CMSS1: variants seen among roughly 807,000 people sequenced by gnomAD.
The protein encoded by CMSS1 is cms1 ribosomal small subunit homolog.
A neutral mutation model predicts 43.5 loss-of-function variants in CMSS1; 33 were observed. That is an observed-to-expected ratio of 0.76 (90% CI 0.57 to 1.01). The LOEUF (loss-of-function observed/expected upper bound fraction) is 1.01, where lower values mean the gene tolerates loss of function less well. Among genes scored for constraint, CMSS1 ranks in the 50% least tolerant of loss-of-function variants. The pLI, the probability that CMSS1 is intolerant of heterozygous loss-of-function variation, is 0.00. For missense variants in CMSS1, 313 were observed against 326.4 expected (o/e 0.96, Z 0.32); for synonymous variants, 115 against 117.2 (o/e 0.98, Z 0.12).
At chr3:99,934,920 T>C (rs1707612171) in intron 1 of CMSS1, among the ~76,000 whole-genome samples, 1 of 152,232 alleles carries the variant, frequency 6.6e-6, no homozygotes, top group Admixed American at 6.5e-5. Flanking sequence ...AGCATCAACA[T>C]TCTCACTGAT....
chr3:99,982,611 T>C (rs1052842719), intron 1 of CMSS1, among the ~76,000 whole-genome samples: 1 of 152,322 alleles, frequency 6.6e-6, no homozygotes, highest in East Asian at 1.9e-4. Flanking sequence ...CCCAAAGTGC[T>C]GGGATTACAG....
chr3:100,030,686 A>G (rs1484431382), intron 1 of CMSS1, among the ~76,000 whole-genome samples: 1 of 152,180 alleles, frequency 6.6e-6, no homozygotes, highest in Non-Finnish European at 1.5e-5. Context: ...TTAAACCAGT[A>G]TCCAATAACT....
intron 1 of CMSS1, among the ~76,000 whole-genome samples, chr3:99,920,136 A>G (rs1418344270): frequency 6.6e-6 from 1 of 152,230 alleles, no homozygotes; most frequent in East Asian, 1.9e-4. Context: ...AGCTGCCATA[A>G]CAATATTTCT....
chr3:100,064,611 A>G (rs945932792), intron 1 of CMSS1, among the ~76,000 whole-genome samples: 1 of 152,230 alleles, frequency 6.6e-6, no homozygotes, highest in Admixed American at 6.5e-5. Flanking sequence ...GCCCTGGAGC[A>G]GAGGAAGGGA....
intron 1 of CMSS1, among the ~76,000 whole-genome samples, chr3:99,897,276 T>C (rs1266772715): frequency 1.3e-5 from 2 of 151,858 alleles, no homozygotes; most frequent in African/African-American, 4.8e-5. Flanking sequence ...GGAGAATCGC[T>C]CGAACCCAGG....
intron 1 of CMSS1, among the ~76,000 whole-genome samples, chr3:99,958,169 A>G (rs1342605291): frequency 6.7e-6 from 1 of 148,974 alleles, no homozygotes; most frequent in Non-Finnish European, 1.5e-5. Flanking sequence ...TGCTGCAGCT[A>G]TCAACCCATC....
At chr3:100,093,799 AC>A (rs2066155714) in intron 1 of CMSS1, among the ~76,000 whole-genome samples, 1 of 152,226 alleles carries the variant, frequency 6.6e-6, no homozygotes, top group Non-Finnish European at 1.5e-5. Flanking sequence ...GAATCATACA[AC>A]ATGTAACCTT....
chr3:100,071,549 G>A (rs1196311103), intron 1 of CMSS1, among the ~76,000 whole-genome samples: 1 of 152,168 alleles, frequency 6.6e-6, no homozygotes, highest in Admixed American at 6.5e-5. Flanking sequence ...TAGCCCAAGG[G>A]TGTGGGTCTT....
chr3:100,032,140 T>C (rs1320735778), intron 1 of CMSS1, among the ~76,000 whole-genome samples: 1 of 152,068 alleles, frequency 6.6e-6, no homozygotes, highest in Admixed American at 6.6e-5. Context: ...ATGAGGAAGA[T>C]TGTAGGTGTT....
intron 1 of CMSS1, among the ~76,000 whole-genome samples, chr3:99,856,915 CATA>C (rs1360399940): frequency 6.6e-6 from 1 of 152,104 alleles, no homozygotes. Flanking sequence ...CAGTCATACC[CATA>C]ATAACTTATA....
chr3:99,876,683 G>T (rs1433891941), intron 1 of CMSS1, among the ~76,000 whole-genome samples: 10 of 152,142 alleles, frequency 6.6e-5, no homozygotes, highest in African/African-American at 2.4e-4. Flanking sequence ...ATGAGTAGGG[G>T]TCCTCAGAGG....
chr3:100,088,498 A>G (rs1338213379), intron 1 of CMSS1, among the ~76,000 whole-genome samples: 1 of 152,242 alleles, frequency 6.6e-6, no homozygotes, highest in African/African-American at 2.4e-5. Flanking sequence ...TCATTTCAAA[A>G]TCTTTATATT....
chr3:100,157,020 C>T (rs2107523708), intron 2 of CMSS1, among the ~76,000 whole-genome samples: 1 of 152,240 alleles, frequency 6.6e-6, no homozygotes, highest in South Asian at 2.1e-4. Context: ...CCCCACAAAG[C>T]ACTAGGGTTA....
At chr3:99,857,734 A>G (rs1249188119) in intron 1 of CMSS1, among the ~76,000 whole-genome samples, 3 of 152,242 alleles carry the variant, frequency 2.0e-5, no homozygotes, top group African/African-American at 7.2e-5. Flanking sequence ...TATTGTTTCT[A>G]TTAGTTTCAG....
chr3:99,982,872 A>G (rs1363190824), intron 1 of CMSS1, among the ~76,000 whole-genome samples: 1 of 152,222 alleles, frequency 6.6e-6, no homozygotes, highest in Admixed American at 6.5e-5. Context: ...ATAAATTCAT[A>G]TAATGTAGGC....
intron 1 of CMSS1, among the ~76,000 whole-genome samples, chr3:99,856,207 T>C (rs985904913): frequency 3.3e-5 from 5 of 151,950 alleles, no homozygotes; most frequent in African/African-American, 4.8e-5. Flanking sequence ...CCCAGAGGGG[T>C]TTCCAACCCA....
intron 1 of CMSS1, among the ~76,000 whole-genome samples, chr3:100,010,645 C>T (rs1710120202): frequency 2.7e-5 from 4 of 148,366 alleles, no homozygotes; most frequent in African/African-American, 9.9e-5. Context: ...GATGGAGTGT[C>T]CCTCTGTCAC....
At chr3:100,141,491 C>A (rs1489547153) in intron 1 of CMSS1, 2 of 451,336 alleles carry the variant, frequency 4.4e-6, no homozygotes, top group Non-Finnish European at 4.4e-6. Flanking sequence ...CTCTTTTGCA[C>A]ATTTTAAAGA....
rs556688537 is a variant in CMSS1 at position 100,124,114 on chromosome 3, T to C, written c.65-22859T>C. The stretch of plus-strand genomic sequence containing the variant: ...TGAAAAACATGACTCTCCGCTAGAA[T>C]AAAAGGTGCTGTATACATACAAAAA... On this transcript the variant is annotated intron_variant, in intron 1 of 9. Coordinates refer to ENST00000421999, the MANE Select transcript of CMSS1 (RefSeq NM_032359.4). Among the ~76,000 whole-genome samples, 15 of 152,288 alleles carry C rather than the reference T, an allele frequency of 9.8e-5. 1 individual carries two copies. In the South Asian group the frequency reaches 3.1e-3, roughly 32 times the overall value.
Sources: gnomAD v4.1 joint callset for allele counts (sites outside exome capture counted in the v4.1 genomes callset) on GRCh38, gnomAD v4.1.1 for gene constraint, MANE v1.5 for transcripts, NCBI Gene and HGNC (gene_info 2026-07-23, HGNC 2026-07-21) for gene names.